EEPD1: variants seen among roughly 807,000 people sequenced by gnomAD.
EEPD1 encodes endonuclease/exonuclease/phosphatase family domain containing 1.
Under a neutral mutation model 46.3 loss-of-function variants are expected in EEPD1, and 17 were observed. The observed-to-expected ratio is 0.37, with a 90% CI of 0.25 to 0.55. EEPD1 has a LOEUF of 0.55. EEPD1 is among the 20% of genes least tolerant of loss of function. The pLI is 0.83. For missense variants in EEPD1, 673 were observed against 745.6 expected (o/e 0.90, Z 1.13); for synonymous variants, 313 against 315.6 (o/e 0.99, Z 0.09).
intron 3 of EEPD1, among the ~76,000 whole-genome samples, chr7:36,270,684 A>C (rs1317406692): frequency 6.6e-6 from 1 of 152,042 alleles, no homozygotes; most frequent in Non-Finnish European, 1.5e-5. Context: ...TATGTGCCAC[A>C]TTTTCTTCAT....
At chr7:36,276,192 G>A (rs1331613514) in intron 3 of EEPD1, among the ~76,000 whole-genome samples, 1 of 152,156 alleles carries the variant, frequency 6.6e-6, no homozygotes, top group Non-Finnish European at 1.5e-5. Context: ...ACAAGATACA[G>A]GTCATAAAGA....
intron 2 of EEPD1, among the ~76,000 whole-genome samples, chr7:36,213,253 G>A (rs1223276143): frequency 6.6e-6 from 1 of 152,212 alleles, no homozygotes; most frequent in African/African-American, 2.4e-5. Flanking sequence ...TGAGTGGATG[G>A]AATTAACTGG....
At chr7:36,242,886 C>G (rs196537) in intron 3 of EEPD1, among the ~76,000 whole-genome samples, 130,033 of 151,900 alleles carry the variant, frequency 0.86, 56,057 homozygotes, top group Non-Finnish European at 0.9. Flanking sequence ...CCGAGATCGC[C>G]CCACTGCACT....
At chr7:36,209,205 C>G (rs1785878186) in intron 2 of EEPD1, among the ~76,000 whole-genome samples, 1 of 152,184 alleles carries the variant, frequency 6.6e-6, no homozygotes, top group Admixed American at 6.5e-5. Flanking sequence ...TAGCTTTGAT[C>G]CCATGTCTGT....
At chr7:36,289,133 A>AT (rs1787386731) in intron 6 of EEPD1, among the ~76,000 whole-genome samples, 1 of 152,188 alleles carries the variant, frequency 6.6e-6, no homozygotes, top group Non-Finnish European at 1.5e-5. Flanking sequence ...ATGTATTTGA[A>AT]TTTGCATTTC....
intron 2 of EEPD1, among the ~76,000 whole-genome samples, chr7:36,181,800 G>C (rs1490674631): frequency 6.6e-6 from 1 of 152,090 alleles, no homozygotes; most frequent in Non-Finnish European, 1.5e-5. Flanking sequence ...TTTATTTTTA[G>C]GTCCCATGTC....
At chr7:36,232,444 T>G (rs1208633583) in intron 2 of EEPD1, among the ~76,000 whole-genome samples, 1 of 151,868 alleles carries the variant, frequency 6.6e-6, no homozygotes, top group African/African-American at 2.4e-5. Flanking sequence ...GACCTTGTGA[T>G]CCACCCGCCT....
intron 3 of EEPD1, among the ~76,000 whole-genome samples, chr7:36,258,851 G>A (rs1187179113): frequency 3.3e-5 from 5 of 150,424 alleles, no homozygotes; most frequent in Non-Finnish European, 7.4e-5. Context: ...TGAACAGTTC[G>A]GTTTTGCTGG....
intron 3 of EEPD1, among the ~76,000 whole-genome samples, chr7:36,246,699 T>C (rs542754524): frequency 5.9e-5 from 9 of 152,296 alleles, no homozygotes; most frequent in African/African-American, 2.2e-4. Flanking sequence ...GTGTTTTTTT[T>C]TTAGAATTTC....
At chr7:36,238,928 C>T (rs1226941058) in intron 2 of EEPD1, 57 bp from the exon 3 acceptor site, 3 of 1,551,722 alleles carry the variant, frequency 1.9e-6, no homozygotes, top group African/African-American at 2.8e-5. Context: ...GTTAGATGAT[C>T]CTTGGTGACA....
chr7:36,293,076 A>G (rs1214416070), intron 6 of EEPD1, among the ~76,000 whole-genome samples: 1 of 152,222 alleles, frequency 6.6e-6, no homozygotes, highest in African/African-American at 2.4e-5. Context: ...GATATATATC[A>G]TTAGTAACCT....
chr7:36,297,315 CTG>C (rs1787543641), intron 7 of EEPD1, 128 bp downstream of exon 7: 1 of 1,066,298 alleles, frequency 9.4e-7, no homozygotes, highest in Admixed American at 2.7e-5. Context: ...GACTGTATAA[CTG>C]TCATTTAATC....
intron 2 of EEPD1, among the ~76,000 whole-genome samples, chr7:36,168,550 C>T (rs1283517669): frequency 6.6e-6 from 1 of 152,012 alleles, no homozygotes; most frequent in Non-Finnish European, 1.5e-5. Flanking sequence ...GTCAGGAGAT[C>T]GAGACCATCC....
chr7:36,253,467 A>T (rs889084158), intron 3 of EEPD1, among the ~76,000 whole-genome samples: 3 of 152,116 alleles, frequency 2.0e-5, no homozygotes, highest in African/African-American at 7.2e-5. Context: ...TAGTTGGTTT[A>T]TGGTTTATGT....
In EEPD1 at chr7:36,155,217, C is replaced by G. The variant is rs1311042175; in HGVS notation, c.878+15C>G. ...CTGGAAAACAGGTGAGGACAGGAACCACCATGGGTGTTGGGTGTGAAGGCA... is the reference window on the plus strand; with the variant it reads ...CTGGAAAACAGGTGAGGACAGGAACGACCATGGGTGTTGGGTGTGAAGGCA... On this transcript the variant is annotated intron_variant, in intron 2 of 7. Transcript: ENST00000242108. 1 of 1,506,568 alleles carries G rather than the reference C, an allele frequency of 6.6e-7. No individual in the cohort carries two copies. 93.3% of individuals were successfully genotyped at this position (1,506,568 alleles called of 1,614,324 possible). A position where few individuals can be genotyped will look rare whatever the true frequency, so the allele number is the denominator to read the frequency against.
In EEPD1 at chr7:36,154,790, A is replaced by C. The variant is rs1421107327; in HGVS notation, c.466A>C (p.Lys156Gln). ...QLMSVRGLSE[K>Q]MALSIVDFRR... ...CATGAGCGTGCGAGGCCTCTCGGAG[A>C]AAATGGCCCTCAGCATCGTGGACTT... is the stretch of plus-strand genomic sequence containing the variant. Residue 156 changes from lysine (K) to glutamine (Q), a missense_variant, in exon 2 of 8, where the codon AAA becomes CAA. Lys to Gln is a moderately conservative substitution (Grantham distance 53). Transcript: ENST00000242108. The surrounding 1 kb of genome is among the most constrained non-coding windows in gnomAD (Gnocchi z 4.2). 6.2e-7 allele frequency: 1 copy of C among 1,614,144 alleles called. No homozygotes were observed. Among genetic ancestry groups the C allele is most frequent in the Non-Finnish European group, 8.5e-7 (1 of 1,180,018 alleles).
chr7:36,167,215 A>C (rs1376233496), intron 2 of EEPD1, among the ~76,000 whole-genome samples: 1 of 152,184 alleles, frequency 6.6e-6, no homozygotes, highest in Non-Finnish European at 1.5e-5. Flanking sequence ...ACTGGGGATT[A>C]GGGCTTCAAC....
chr7:36,194,835 G>A lies in EEPD1; in HGVS notation c.878+39633G>A, dbSNP rs528315428. Among the ~76,000 whole-genome samples, 12 of 152,312 alleles carry A rather than the reference G, an allele frequency of 7.9e-5. No homozygotes were observed. The South Asian group carries it at 1.7e-3, about 21-fold the overall frequency. On this transcript the variant is annotated intron_variant, in intron 2 of 7. Transcript: ENST00000242108. ...CAGTTTCTTTATCAGAAATCCATAT[G>A]TCCCTGAGTGTGCCAGGAATAATTA... is the stretch of plus-strand genomic sequence containing the variant.
At chr7:36,160,976 A>C (rs113824466) in intron 2 of EEPD1, among the ~76,000 whole-genome samples, 44 of 152,230 alleles carry the variant, frequency 2.9e-4, no homozygotes, top group African/African-American at 9.2e-4. Context: ...TGTTCACCTT[A>C]CCCTTCCCCT....
Sources: allele counts gnomAD v4.1 joint callset (sites outside exome capture counted in the v4.1 genomes callset), GRCh38; gene constraint gnomAD v4.1.1; non-coding constraint Gnocchi (gnomAD v3.1); transcripts MANE v1.5; gene names NCBI Gene and HGNC (gene_info 2026-07-23, HGNC 2026-07-21).